AK9: variants seen among roughly 807,000 people sequenced by gnomAD.
AK9 encodes the protein adenylate kinase domain containing 1.
A neutral mutation model predicts 239.6 loss-of-function variants in AK9; 191 were observed. That is an observed-to-expected ratio of 0.80 (90% CI 0.71 to 0.90). The LOEUF (loss-of-function observed/expected upper bound fraction) is 0.90. Ranked by LOEUF, AK9 falls within the 40% of genes least tolerant of loss-of-function variation. The pLI is 0.00. For missense variants in AK9, 1,995 were observed against 2,214.7 expected (o/e 0.90, Z 1.99); for synonymous variants, 689 against 721.0 (o/e 0.96, Z 0.71).
chr6:109,668,538 A>G (rs1488062231), intron 5 of AK9, among the ~76,000 whole-genome samples: 3 of 150,392 alleles, frequency 2.0e-5, no homozygotes, highest in Non-Finnish European at 3.0e-5. Flanking sequence ...TAGGTCTAAC[A>G]TTTAAGTCTT....
intron 12 of AK9, among the ~76,000 whole-genome samples, chr6:109,622,608 GTAT>G (rs1795016216): frequency 1.4e-5 from 2 of 145,798 alleles, no homozygotes; most frequent in Non-Finnish European, 1.5e-5. Flanking sequence ...GTATATATGT[GTAT>G]TATAGACATA....
intron 13 of AK9, among the ~76,000 whole-genome samples, chr6:109,615,270 T>C (rs1794040932): frequency 6.6e-6 from 1 of 151,616 alleles, no homozygotes; most frequent in Non-Finnish European, 1.5e-5. Flanking sequence ...TTTTTTTTTT[T>C]TTGCCTTCTG....
At chr6:109,632,650 G>T in intron 12 of AK9, 1 of 642,634 alleles carries the variant, frequency 1.6e-6, no homozygotes, top group Non-Finnish European at 2.1e-6. Context: ...GCTAATAGGT[G>T]GCAGAGTCTG....
chr6:109,506,389 A>C lies in AK9; in HGVS notation c.4787T>G (p.Val1596Gly). ...FHSKWWVWNEVIKNVQMVNKY... is the reference protein window; with the variant it reads ...FHSKWWVWNEGIKNVQMVNKY... ...ATTCACCATTTGAACATTCTTAATG[A>C]CTTCATTCCATACCCACCATTTGCT... Residue 1596 changes from valine (V) to glycine (G), a missense_variant, in exon 35 of 41, where the codon GTC becomes GGC. Val to Gly is a moderately radical substitution (Grantham distance 109). This residue lies in a region of AK9 where 391 missense variants were observed against 456.0 expected (regional missense o/e 0.86). Transcript: ENST00000424296. 1 of 1,613,828 alleles carries C rather than the reference A, an allele frequency of 6.2e-7. No homozygotes were observed. The highest frequency in any genetic ancestry group is 8.5e-7 in the Non-Finnish European group (1 of 1,179,946).
chr6:109,556,784 T>C (rs186819431), intron 24 of AK9, among the ~76,000 whole-genome samples: 70 of 151,958 alleles, frequency 4.6e-4, no homozygotes, highest in African/African-American at 1.7e-3. Context: ...TCCTTTCTTC[T>C]GCTTGGTCAA....
intron 24 of AK9, among the ~76,000 whole-genome samples, chr6:109,556,259 C>T (rs1274602443): frequency 6.6e-6 from 1 of 152,090 alleles, no homozygotes; most frequent in East Asian, 1.9e-4. Flanking sequence ...TTTTATTTCT[C>T]CTTTGCTTAT....
Position 109,639,336 on chromosome 6 carries a change from T to C in AK9, c.933+2182A>G, listed in dbSNP as rs542736444. 9.2e-5 allele frequency among the ~76,000 whole-genome samples: 14 copies of C among 152,368 alleles called. No homozygotes were observed. The East Asian group carries it at 1.7e-3, about 19-fold the overall frequency. ...CTGTTGTTTCCTGACTTTTTAAGGA[T>C]TGCCATTCTAACTGGTGTGAGATGG... is the stretch of plus-strand genomic sequence containing the variant. On this transcript the variant is annotated intron_variant, in intron 10 of 40. Transcript: ENST00000424296.
At chr6:109,678,349 T>G (rs1456500677) in intron 1 of AK9, among the ~76,000 whole-genome samples, 3 of 152,178 alleles carry the variant, frequency 2.0e-5, no homozygotes, top group Non-Finnish European at 4.4e-5. Flanking sequence ...TTATGTAACA[T>G]TCTTGAAATG....
At chr6:109,637,818 G>T (rs1796911312) in intron 10 of AK9, among the ~76,000 whole-genome samples, 1 of 152,162 alleles carries the variant, frequency 6.6e-6, no homozygotes, top group Admixed American at 6.5e-5. Context: ...AACTTTAATT[G>T]ACCAGGCTCC....
intron 30 of AK9, 22 bp from the exon 31 acceptor site, chr6:109,516,097 A>C: frequency 6.6e-7 from 1 of 1,522,504 alleles, no homozygotes; most frequent in Non-Finnish European, 8.9e-7. Flanking sequence ...AGTCATAAAA[A>C]CAAATATATT....
intron 20 of AK9, among the ~76,000 whole-genome samples, chr6:109,577,854 CTT>C (rs1380415589): frequency 1.6e-4 from 24 of 150,044 alleles, no homozygotes; most frequent in Middle Eastern, 3.5e-3. Context: ...CTTCCTCTCT[CTT>C]TTTCTTTCTT....
At chr6:109,564,941 A>C in intron 21 of AK9, 96 bp from the exon 22 acceptor site, 1 of 927,552 alleles carries the variant, frequency 1.1e-6, no homozygotes, top group Non-Finnish European at 1.6e-6. Flanking sequence ...TATAGCTTAA[A>C]TTGTATATGA....
intron 35 of AK9, among the ~76,000 whole-genome samples, chr6:109,502,883 T>C (rs1777733538): frequency 6.6e-6 from 1 of 152,174 alleles, no homozygotes; most frequent in Non-Finnish European, 1.5e-5. Context: ...TAGTCTTGGC[T>C]GTCACCTTCA....
chr6:109,630,855 GA>G (rs909671652), intron 12 of AK9, among the ~76,000 whole-genome samples: 6 of 148,218 alleles, frequency 4.0e-5, no homozygotes, highest in African/African-American at 1.5e-4. Flanking sequence ...AAAAAGAAAA[GA>G]AAAAAAAAGA....
chr6:109,497,827 A>G lies in AK9; in HGVS notation c.5185T>C (p.Cys1729Arg). The G allele has an allele frequency of 6.2e-7, 1 of 1,613,726 alleles. No individual in the cohort carries two copies. The highest frequency in any genetic ancestry group is 8.5e-7 in the Non-Finnish European group (1 of 1,179,670). ...TTTCCATCCTTATAGGTCACTGGAC[A>G]GTAGCCCTGGAGCTCCGCACACTTA... ...FPKCAELQGY[C>R]PVTYKDGNQR... The change falls in exon 37 of 41, where the codon TGT (cysteine) becomes CGT (arginine). Residue 1729 changes from cysteine to arginine, a missense_variant. Physicochemically the swap from Cys to Arg is radical, Grantham distance 180. Around this residue, in one of 5 missense-constraint regions of AK9, gnomAD observed 391 missense variants for 456.0 expected, o/e 0.86. Transcript: ENST00000424296.
At chr6:109,581,487 C>T (rs895642624) in intron 19 of AK9, among the ~76,000 whole-genome samples, 3 of 152,142 alleles carry the variant, frequency 2.0e-5, no homozygotes, top group African/African-American at 7.2e-5. Flanking sequence ...TTTGAGTGGT[C>T]TGATTAGAAG....
At position 109,506,481 on chromosome 6, in the gene AK9, A is replaced by AT; in HGVS notation, c.4694dup (p.Asn1565LysfsTer4). On this transcript the variant is annotated frameshift_variant, in exon 35 of 41. Transcript: ENST00000424296. LOFTEE classifies it high-confidence loss of function. ...GATAATATTGCCTAATCTCACCAAT[A>AT]TTTTTGCGATACTTTACATTATTGA... The AT allele has an allele frequency of 1.9e-6, 3 of 1,613,268 alleles. No individual in the cohort carries two copies. The highest frequency in any genetic ancestry group is 2.5e-6 in the Non-Finnish European group (3 of 1,179,628).
chr6:109,542,419 T>C (rs1469079300), intron 26 of AK9, among the ~76,000 whole-genome samples: 1 of 152,156 alleles, frequency 6.6e-6, no homozygotes, highest in Non-Finnish European at 1.5e-5. Context: ...AGGGAAACTA[T>C]AGTTAGTAAC....
chr6:109,534,014 C>T (rs1166443599), intron 27 of AK9, among the ~76,000 whole-genome samples: 1 of 151,962 alleles, frequency 6.6e-6, no homozygotes, highest in African/African-American at 2.4e-5. Flanking sequence ...TCTAACAGTG[C>T]TTCCTTTCAT....
Sources: allele counts gnomAD v4.1 joint callset (sites outside exome capture counted in the v4.1 genomes callset), GRCh38; gene constraint gnomAD v4.1.1; regional missense constraint gnomAD v4.1.1; transcripts MANE v1.5; gene names NCBI Gene and HGNC (gene_info 2026-07-23, HGNC 2026-07-21).